Variants in EYA4 observed in about 807,000 individuals in gnomAD.
The protein encoded by EYA4 is protein phosphatase EYA4.
A neutral mutation model predicts 87.9 loss-of-function variants in EYA4; 31 were observed. The observed-to-expected ratio is 0.35, with a 90% CI of 0.27 to 0.48. The LOEUF (loss-of-function observed/expected upper bound fraction) is 0.48. Ranked by LOEUF, EYA4 falls within the 20% of genes least tolerant of loss-of-function variation. The pLI, the probability that EYA4 is intolerant of heterozygous loss-of-function variation, is 0.99. For synonymous variants in EYA4, 263 were observed against 270.6 expected (o/e 0.97, Z 0.28); for missense variants, 678 against 761.4 (o/e 0.89, Z 1.29).
At chr6:133,306,071 C>T (rs968250093) in intron 2 of EYA4, among the ~76,000 whole-genome samples, 1 of 152,082 alleles carries the variant, frequency 6.6e-6, no homozygotes, top group East Asian at 1.9e-4. Context: ...CTTTTCCTGG[C>T]GGTTTTAATG....
chr6:133,492,287 A>T (rs1287452184), intron 13 of EYA4, among the ~76,000 whole-genome samples: 3 of 152,264 alleles, frequency 2.0e-5, no homozygotes, highest in Non-Finnish European at 2.9e-5. Flanking sequence ...TACCCCAGGG[A>T]TGCAAGGATG....
chr6:133,505,080 A>G (rs555852740), intron 13 of EYA4, among the ~76,000 whole-genome samples: 1 of 152,242 alleles, frequency 6.6e-6, no homozygotes, highest in South Asian at 2.1e-4. Flanking sequence ...ATCTGGTCTC[A>G]AATTTTAAGG....
chr6:133,282,848 C>T (rs1301399436), intron 2 of EYA4, among the ~76,000 whole-genome samples: 1 of 152,118 alleles, frequency 6.6e-6, no homozygotes, highest in African/African-American at 2.4e-5. Context: ...ACTGCTAATT[C>T]TGGTCTGGTG....
At chr6:133,403,565 A>G (rs1286913707) in intron 3 of EYA4, among the ~76,000 whole-genome samples, 1 of 152,244 alleles carries the variant, frequency 6.6e-6, no homozygotes, top group Non-Finnish European at 1.5e-5. Context: ...TAAAATGACC[A>G]TTTGAAGAAA....
At chr6:133,389,449 C>T (rs529917273) in intron 3 of EYA4, among the ~76,000 whole-genome samples, 17 of 152,308 alleles carry the variant, frequency 1.1e-4, no homozygotes, top group African/African-American at 4.1e-4. Context: ...TCATATCTGC[C>T]TTTGTTCACC....
intron 2 of EYA4, among the ~76,000 whole-genome samples, chr6:133,371,509 A>G (rs1461115412): frequency 2.6e-5 from 4 of 152,234 alleles, no homozygotes; most frequent in Non-Finnish European, 4.4e-5. Flanking sequence ...AAAATGACCA[A>G]GAAAAGCAAA....
At chr6:133,386,474 C>G (rs1786759643) in intron 3 of EYA4, among the ~76,000 whole-genome samples, 1 of 152,076 alleles carries the variant, frequency 6.6e-6, no homozygotes, top group Non-Finnish European at 1.5e-5. Context: ...TAGGGTGTCT[C>G]TGTGTTAAAG....
At chr6:133,365,220 T>G (rs935833690) in intron 2 of EYA4, among the ~76,000 whole-genome samples, 3 of 152,202 alleles carry the variant, frequency 2.0e-5, no homozygotes, top group Admixed American at 2.0e-4. Context: ...CCCCAAACCT[T>G]GTATCCTTGA....
chr6:133,516,876 C>T (rs1799644019), intron 17 of EYA4, among the ~76,000 whole-genome samples: 1 of 152,138 alleles, frequency 6.6e-6, no homozygotes. Flanking sequence ...CATAGTATTC[C>T]ATGGTGTACA....
intron 2 of EYA4, among the ~76,000 whole-genome samples, chr6:133,288,289 G>A (rs1778230218): frequency 1.3e-5 from 2 of 152,154 alleles, no homozygotes; most frequent in South Asian, 4.1e-4. Context: ...ACAACCCCTG[G>A]CCTAAACTTA....
chr6:133,337,251 G>A (rs907033513), intron 2 of EYA4, among the ~76,000 whole-genome samples: 1 of 152,176 alleles, frequency 6.6e-6, no homozygotes, highest in African/African-American at 2.4e-5. Context: ...AGGAGGCTAT[G>A]CGGTAGACCT....
chr6:133,284,346 G>C (rs1777862613), intron 2 of EYA4, among the ~76,000 whole-genome samples: 1 of 152,132 alleles, frequency 6.6e-6, no homozygotes, highest in Admixed American at 6.5e-5. Context: ...GATAATTTTT[G>C]TATTTTTAGT....
At chr6:133,291,407 A>T (rs1452487837) in intron 2 of EYA4, among the ~76,000 whole-genome samples, 1 of 152,184 alleles carries the variant, frequency 6.6e-6, no homozygotes, top group Non-Finnish European at 1.5e-5. Context: ...CATAAATCTT[A>T]TAAGATGTAT....
intron 1 of EYA4, among the ~76,000 whole-genome samples, chr6:133,273,051 T>C (rs558695165): frequency 6.8e-6 from 1 of 147,042 alleles, no homozygotes; most frequent in East Asian, 2.0e-4. Context: ...CCAAAATCTG[T>C]ATTAGGGTTC....
At chr6:133,480,170 G>A (rs1377201964) in intron 11 of EYA4, among the ~76,000 whole-genome samples, 1 of 152,174 alleles carries the variant, frequency 6.6e-6, no homozygotes, top group African/African-American at 2.4e-5. Context: ...AGAAGTACAG[G>A]AGTCCATGTT....
At chr6:133,458,624 TC>T (rs1396137352) in intron 6 of EYA4, among the ~76,000 whole-genome samples, 1 of 151,974 alleles carries the variant, frequency 6.6e-6, no homozygotes, top group Non-Finnish European at 1.5e-5. Context: ...CCAGCAGCAC[TC>T]CCCCAGATGC....
At chr6:133,516,191 C>T (rs896264911) in intron 17 of EYA4, among the ~76,000 whole-genome samples, 3 of 151,966 alleles carry the variant, frequency 2.0e-5, no homozygotes, top group Admixed American at 1.3e-4. Context: ...ATGATGAGAA[C>T]TCATGGACAC....
intron 6 of EYA4, among the ~76,000 whole-genome samples, chr6:133,458,088 G>A (rs1794058816): frequency 6.6e-6 from 1 of 152,056 alleles, no homozygotes; most frequent in South Asian, 2.1e-4. Flanking sequence ...TCAGAAAATA[G>A]ATGGAAAAAG....
intron 3 of EYA4, among the ~76,000 whole-genome samples, chr6:133,433,864 C>T (rs1042414365): frequency 2.0e-5 from 3 of 152,132 alleles, no homozygotes; most frequent in East Asian, 1.9e-4. Flanking sequence ...GTGTAGTGAG[C>T]GACTGGGAGG....
Sources: gnomAD v4.1 joint callset for allele counts (sites outside exome capture counted in the v4.1 genomes callset) on GRCh38, gnomAD v4.1.1 for gene constraint, MANE v1.5 for transcripts, NCBI Gene and HGNC (gene_info 2026-07-23, HGNC 2026-07-21) for gene names.